CACNA1E: variants seen among roughly 807,000 people sequenced by gnomAD.
The protein encoded by CACNA1E is voltage-dependent R-type calcium channel subunit alpha-1E.
A neutral mutation model predicts 259.2 loss-of-function variants in CACNA1E; 40 were observed. The ratio of observed to expected loss-of-function variants is 0.15; its 90% CI spans 0.12 to 0.20. CACNA1E has a LOEUF of 0.20. CACNA1E is among the 10% of genes least tolerant of loss of function. The probability of loss-of-function intolerance (pLI) is 1.00; values close to 1 mark genes in which losing one functional copy is unlikely to be tolerated. For missense variants in CACNA1E, 1,874 were observed against 3,040.1 expected, an observed-to-expected ratio of 0.62 and a Z score of 9.02; for synonymous variants, 1,104 against 1,138.5, an observed-to-expected ratio of 0.97 and a Z score of 0.61.
In CACNA1E at chr1:181,781,408, C is replaced by G; in HGVS notation, c.5268-19C>G. 7.2e-7 allele frequency: 1 copy of G among 1,391,038 alleles called. No individual in the cohort carries two copies. Among genetic ancestry groups the G allele is most frequent in the Non-Finnish European group, 1.0e-6 (1 of 992,786 alleles). 86.2% of individuals were successfully genotyped at this position (1,391,038 alleles called of 1,614,324 possible). Reference sequence around the variant, plus strand: ...CCCGCTAACCCACCCCATCCCAACTCACCACCCTCCATGAGCAGTGGCCGC... The same window carrying G: ...CCCGCTAACCCACCCCATCCCAACTGACCACCCTCCATGAGCAGTGGCCGC... On this transcript the variant is annotated intron_variant, in intron 38 of 47. Coordinates refer to ENST00000367573, the MANE Select transcript of CACNA1E (RefSeq NM_001205293.3).
At chr1:181,596,669 C>G (rs75442690) in intron 6 of CACNA1E, among the ~76,000 whole-genome samples, 5,156 of 151,734 alleles carry the variant, frequency 0.034, 120 homozygotes, top group Non-Finnish European at 0.048. Flanking sequence ...TTGGTCCATC[C>G]AGATCACTCG....
At chr1:181,573,240 G>T (rs12125577) in intron 3 of CACNA1E, among the ~76,000 whole-genome samples, 1 of 152,112 alleles carries the variant, frequency 6.6e-6, no homozygotes, top group Non-Finnish European at 1.5e-5. Flanking sequence ...TTGTCACTGC[G>T]GTGTTTCCCA....
intron 8 of CACNA1E, 56 bp from the exon 9 acceptor site, chr1:181,715,282 T>G: frequency 9.2e-7 from 1 of 1,084,226 alleles, no homozygotes; most frequent in East Asian, 2.4e-5. Context: ...GATTTTAATC[T>G]TGCAGAATAA....
At chr1:181,375,051 C>T (rs1318125431) in intron 1 of CACNA1E, among the ~76,000 whole-genome samples, 1 of 152,062 alleles carries the variant, frequency 6.6e-6, no homozygotes, top group East Asian at 1.9e-4. Context: ...ACACTATATG[C>T]CATAAATGTC....
In CACNA1E at chr1:181,638,892, G is replaced by T. The variant is rs185480833; in HGVS notation, c.952-12446G>T. ...TTGTAAGTTTCCTGAGGCTTCCCCA[G>T]CCATGCTGAACTGTGAGTCAGTTAA... On this transcript the variant is annotated intron_variant, in intron 6 of 47. Transcript: ENST00000367573. 2.6e-5 allele frequency among the ~76,000 whole-genome samples: 4 copies of T among 152,292 alleles called. No individual in the cohort carries two copies. The East Asian group carries it at 7.7e-4, about 29-fold the overall frequency.
chr1:181,322,851 T>A (rs112501794), intron 1 of CACNA1E, among the ~76,000 whole-genome samples: 2 of 152,204 alleles, frequency 1.3e-5, no homozygotes, highest in African/African-American at 4.8e-5. Context: ...AGATTCTCAG[T>A]ACAGGATTGG....
At chr1:181,466,710 G>A (rs957912600) in intron 2 of CACNA1E, among the ~76,000 whole-genome samples, 37 of 151,860 alleles carry the variant, frequency 2.4e-4, no homozygotes, top group Admixed American at 2.4e-3. Flanking sequence ...TTCCTCCTAG[G>A]GATTTCCTTT....
At chr1:181,540,327 A>G (rs1368275302) in intron 3 of CACNA1E, among the ~76,000 whole-genome samples, 1 of 152,108 alleles carries the variant, frequency 6.6e-6, no homozygotes, top group Non-Finnish European at 1.5e-5. Context: ...TCTGTGCTCT[A>G]TGGCAACATG....
At chr1:181,772,490 T>C (rs997075801) in intron 37 of CACNA1E, among the ~76,000 whole-genome samples, 1 of 152,214 alleles carries the variant, frequency 6.6e-6, no homozygotes, top group African/African-American at 2.4e-5. Flanking sequence ...GAGAAAAGTC[T>C]TTGTTGGTTC....
At chr1:181,787,370 A>G (rs932750759) in intron 43 of CACNA1E, among the ~76,000 whole-genome samples, 4 of 152,096 alleles carry the variant, frequency 2.6e-5, no homozygotes, top group Non-Finnish European at 5.9e-5. Flanking sequence ...TTGGCCTCCC[A>G]AAGTGCTGGG....
In CACNA1E at chr1:181,776,021, A is replaced by G. The variant is rs1296646460; in HGVS notation, c.5140-80A>G. Reference sequence around the variant, plus strand: ...CTCGTTTGCTAAAACACCCTCCTCCATGCCCTGAAGCCTGTTCTTCTGCTT... The same window carrying G: ...CTCGTTTGCTAAAACACCCTCCTCCGTGCCCTGAAGCCTGTTCTTCTGCTT... On this transcript the variant is annotated intron_variant, in intron 37 of 47. Coordinates refer to ENST00000367573, the MANE Select transcript of CACNA1E (RefSeq NM_001205293.3). The surrounding 1 kb of genome is among the most constrained non-coding windows in gnomAD (Gnocchi z 4.4). 4.4e-6 allele frequency: 6 copies of G among 1,374,982 alleles called. No homozygotes were observed. Among genetic ancestry groups the G allele is most frequent in the African/African-American group, 1.4e-5 (1 of 69,370 alleles). 85.2% of individuals were successfully genotyped at this position (1,374,982 alleles called of 1,614,324 possible). A position where few individuals can be genotyped will look rare whatever the true frequency, so the allele number is the denominator to read the frequency against.
At chr1:181,757,844 C>A (rs1021721557) in intron 30 of CACNA1E, 103 bp from the exon 31 acceptor site, 5 of 1,315,190 alleles carry the variant, frequency 3.8e-6, no homozygotes, top group Non-Finnish European at 5.3e-6. Flanking sequence ...CAGCCCTGCC[C>A]TTTTTCCCAT....
intron 3 of CACNA1E, among the ~76,000 whole-genome samples, chr1:181,572,778 A>C (rs1650544363): frequency 6.6e-6 from 1 of 152,154 alleles, no homozygotes; most frequent in Non-Finnish European, 1.5e-5. Context: ...GAAATATTGC[A>C]GCAATCATCA....
chr1:181,332,476 GTATAA>G (rs1557918395), intron 1 of CACNA1E, among the ~76,000 whole-genome samples: 1 of 152,182 alleles, frequency 6.6e-6, no homozygotes, highest in Admixed American at 6.5e-5. Flanking sequence ...TGTTAAGTGT[GTATAA>G]TATCAACTAT....
At chr1:181,534,222 T>C (rs1667983879) in intron 3 of CACNA1E, among the ~76,000 whole-genome samples, 1 of 152,156 alleles carries the variant, frequency 6.6e-6, no homozygotes, top group African/African-American at 2.4e-5. Flanking sequence ...GTTAAACTAA[T>C]GTCAATAATA....
At chr1:181,779,928 A>G (rs1274685439) in intron 38 of CACNA1E, among the ~76,000 whole-genome samples, 1 of 152,170 alleles carries the variant, frequency 6.6e-6, no homozygotes, top group African/African-American at 2.4e-5. Context: ...TTAACCCAGC[A>G]AAAGAATTCT....
intron 3 of CACNA1E, among the ~76,000 whole-genome samples, chr1:181,576,165 C>T (rs940283940): frequency 6.6e-6 from 1 of 152,192 alleles, no homozygotes; most frequent in Non-Finnish European, 1.5e-5. Flanking sequence ...TCTTGAGATT[C>T]TTTATGAGTA....
At chr1:181,456,880 C>T (rs375661690) in intron 2 of CACNA1E, among the ~76,000 whole-genome samples, 6 of 152,262 alleles carry the variant, frequency 3.9e-5, no homozygotes, top group African/African-American at 1.4e-4. Flanking sequence ...TTTCTCCCTT[C>T]CTCCTCCACC....
chr1:181,679,169 G>T (rs1037447594), intron 7 of CACNA1E, among the ~76,000 whole-genome samples: 2 of 152,178 alleles, frequency 1.3e-5, no homozygotes, highest in African/African-American at 4.8e-5. Flanking sequence ...ATCTGGAAAA[G>T]AATAGCCGGA....
Sources: allele counts gnomAD v4.1 joint callset (sites outside exome capture counted in the v4.1 genomes callset), GRCh38; gene constraint gnomAD v4.1.1; non-coding constraint Gnocchi (gnomAD v3.1); transcripts MANE v1.5; gene names NCBI Gene and HGNC (gene_info 2026-07-23, HGNC 2026-07-21).